The following EZH1 variants were observed in gnomAD, a reference collection of about 807,000 sequenced individuals.
EZH1 encodes enhancer of zeste 1 polycomb repressive complex 2 subunit, also known as histone-lysine N-methyltransferase EZH1.
A neutral mutation model predicts 100.5 loss-of-function variants in EZH1; 33 were observed. That is an observed-to-expected ratio of 0.33 (90% CI 0.25 to 0.44). The LOEUF is 0.44. Among genes scored for constraint, EZH1 ranks in the 20% least tolerant of loss-of-function variants. The pLI is 1.00. For synonymous variants in EZH1, 272 were observed against 313.8 expected, an observed-to-expected ratio of 0.87 and a Z score of 1.41; for missense variants, 475 against 928.4, an observed-to-expected ratio of 0.51 and a Z score of 6.35.
intron 6 of EZH1, 103 bp downstream of exon 6, chr17:42,722,692 A>T (rs1287144688): frequency 1.2e-5 from 14 of 1,142,248 alleles, no homozygotes; most frequent in Non-Finnish European, 1.7e-5. Flanking sequence ...TGCAGTGTGT[A>T]CCCCATGGGG....
At position 42,705,992 on chromosome 17, in the gene EZH1, G is replaced by A. The variant is rs1274096386; in HGVS notation, c.1839+15C>T. ...TCCATTTTATGTGGTGTGGGGTCCT[G>A]AGGAAAGGCCTCACCTTCTTAAGTC... is the stretch of plus-strand genomic sequence containing the variant. On this transcript the variant is annotated intron_variant, in intron 16 of 20. Coordinates refer to ENST00000428826, the MANE Select transcript of EZH1 (RefSeq NM_001991.5). The A allele has an allele frequency of 6.2e-7, 1 of 1,601,462 alleles. No individual in the cohort carries two copies. The highest frequency in any genetic ancestry group is 8.5e-7 in the Non-Finnish European group (1 of 1,173,230).
chr17:42,722,126 G>A (rs1369717028), intron 6 of EZH1, among the ~76,000 whole-genome samples: 1 of 147,742 alleles, frequency 6.8e-6, no homozygotes, highest in African/African-American at 2.5e-5. Flanking sequence ...TCCAGCCTGG[G>A]TGACACAGCG....
intron 12 of EZH1, among the ~76,000 whole-genome samples, chr17:42,710,626 T>C (rs972413664): frequency 1.4e-5 from 2 of 141,486 alleles, no homozygotes; most frequent in African/African-American, 5.2e-5. Flanking sequence ...TCTGTTTTTG[T>C]TTGTTTTTTT....
chr17:42,728,753 A>C, intron 3 of EZH1, 72 bp downstream of exon 3: 1 of 1,518,558 alleles, frequency 6.6e-7, no homozygotes. Flanking sequence ...AAAAAAAAAA[A>C]AAATTCCAAC....
chr17:42,721,598 C>A (rs1014641564), intron 6 of EZH1, among the ~76,000 whole-genome samples: 3 of 151,948 alleles, frequency 2.0e-5, no homozygotes. Flanking sequence ...TATGTCCCAA[C>A]TCCTTTTAAA....
rs2053642214 is a variant in EZH1, at chr17:42,718,225, TGCTTTCAAA to T, written c.932-167_932-159del. The T allele has an allele frequency of 2.4e-6, 2 of 842,822 alleles. No homozygotes were observed. Among genetic ancestry groups the T allele is most frequent in the Non-Finnish European group, 3.7e-6 (2 of 542,296 alleles). 52.2% of individuals were successfully genotyped at this position (842,822 alleles called of 1,614,324 possible). A position where few individuals can be genotyped will look rare whatever the true frequency, so the allele number is the denominator to read the frequency against. ...TCAGTCATTTCTGACATCAACACAATGCTTTCAAAGCTAAGAGGTACTGAGGGACAGATA... is the reference window on the plus strand; with the variant it reads ...TCAGTCATTTCTGACATCAACACAATGCTAAGAGGTACTGAGGGACAGATA... On this transcript the variant is annotated intron_variant, in intron 9 of 20. Coordinates refer to ENST00000428826, the MANE Select transcript of EZH1 (RefSeq NM_001991.5). This position sits in a 1 kb window ranked among gnomAD's most constrained non-coding sequence, Gnocchi z 4.2.
intron 1 of EZH1, among the ~76,000 whole-genome samples, chr17:42,744,609 C>T (rs901605865): frequency 6.6e-6 from 1 of 152,208 alleles, no homozygotes; most frequent in East Asian, 1.9e-4. Flanking sequence ...TAGCCCTCCC[C>T]AAGCACAGCT....
intron 15 of EZH1, among the ~76,000 whole-genome samples, 157 bp downstream of exon 15, chr17:42,707,801 A>T (rs571453371): frequency 6.6e-6 from 1 of 152,332 alleles, no homozygotes; most frequent in Non-Finnish European, 1.5e-5. Flanking sequence ...CGACTCTCCC[A>T]GATCTCATGC....
Position 42,720,363 on chromosome 17 carries a change from C to T in EZH1, c.574G>A (p.Glu192Lys), listed in dbSNP as rs2053682254. Reference sequence around the variant, plus strand: ...CCATCTGAGGTGTCATTGTGCCCTTCCTCCTCCTCATCTGAGTACTGATTC... The same window carrying T: ...CCATCTGAGGTGTCATTGTGCCCTTTCTCCTCCTCATCTGAGTACTGATTC... ...ALNQYSDEEE[E>K]GHNDTSDGKQ... The change falls in exon 7 of 21, where the codon GAA becomes AAA. Residue 192 changes from glutamate to lysine, a missense_variant. Physicochemically the swap from Glu to Lys is moderately conservative, Grantham distance 56. Coordinates refer to ENST00000428826, the MANE Select transcript of EZH1 (RefSeq NM_001991.5). The T allele has an allele frequency of 6.2e-7, 1 of 1,614,196 alleles. No individual in the cohort carries two copies. Among genetic ancestry groups the T allele is most frequent in the Admixed American group, 1.7e-5 (1 of 60,026 alleles).
intron 1 of EZH1, 29 bp downstream of exon 1, chr17:42,744,982 G>GC (rs2054255165): frequency 1.1e-5 from 14 of 1,261,084 alleles, no homozygotes; most frequent in Non-Finnish European, 1.4e-5. Flanking sequence ...CGGCCCCACC[G>GC]CCCGGCCCAG....
rs902662461 is a variant in EZH1 at position 42,721,170 on chromosome 17, A to G, written c.488-721T>C. Among the ~76,000 whole-genome samples, 3 of 152,222 alleles carry G rather than the reference A, an allele frequency of 2.0e-5. 1 individual carries two copies. In the South Asian group the frequency reaches 6.2e-4, roughly 32 times the overall value. ...CTAAAATTGTACTTTATGGAGATGT[A>G]CTACAATTTAGGAGGTCTTTGAACA... is the stretch of plus-strand genomic sequence containing the variant. On this transcript the variant is annotated intron_variant, in intron 6 of 20. Transcript: ENST00000428826.
intron 12 of EZH1, 27 bp from the exon 13 acceptor site, chr17:42,709,964 C>A: frequency 1.2e-6 from 2 of 1,610,330 alleles, no homozygotes; most frequent in South Asian, 2.2e-5. Context: ...ACGGGCCTGT[C>A]ACTCCTCGAG....
At position 42,706,151 on chromosome 17, in the gene EZH1, G is replaced by A. The variant is rs778423476; in HGVS notation, c.1695C>T (p.Thr565=). Residue 565 remains threonine, a synonymous_variant, in exon 16 of 21, where the codon ACC becomes ACT. Coordinates refer to ENST00000428826, the MANE Select transcript of EZH1 (RefSeq NM_001991.5). The surrounding 1 kb of genome is among the most constrained non-coding windows in gnomAD (Gnocchi z 4.4). ...AAGGACATTGCTTGGTATTGCACTG[G>A]GTCTTACAGCGACAGCCAGGGAAAC... The part of the protein sequence containing the change: ...QNRFPGCRCK[T]QCNTKQCPCY... 2.5e-5 allele frequency: 40 copies of A among 1,612,714 alleles called. No homozygotes were observed. The highest frequency in any genetic ancestry group is 3.0e-5 in the Non-Finnish European group (35 of 1,179,264).
intron 11 of EZH1, 23 bp downstream of exon 11, chr17:42,713,186 T>C (rs1310173227): frequency 3.7e-6 from 6 of 1,609,058 alleles, no homozygotes; most frequent in Non-Finnish European, 5.1e-6. Flanking sequence ...AAAGAAAAAG[T>C]CTTCATTTTC....
At chr17:42,714,108 G>A (rs1395270326) in intron 10 of EZH1, among the ~76,000 whole-genome samples, 1 of 152,088 alleles carries the variant, frequency 6.6e-6, no homozygotes. Flanking sequence ...AAACTCAGAA[G>A]AATATTGTTT....
chr17:42,720,189 A>G (rs2053679205), intron 7 of EZH1, 84 bp downstream of exon 7: 2 of 1,442,222 alleles, frequency 1.4e-6, no homozygotes, highest in Non-Finnish European at 9.4e-7. Context: ...AACAGCCTTT[A>G]ATAGGCAACA....
At chr17:42,725,801 C>T (rs543146240) in intron 4 of EZH1, among the ~76,000 whole-genome samples, 1 of 152,294 alleles carries the variant, frequency 6.6e-6, no homozygotes, top group South Asian at 2.1e-4. Context: ...AGGGATAGTA[C>T]ATGGAGAAGC....
chr17:42,732,353 C>T (rs904157948), intron 1 of EZH1, among the ~76,000 whole-genome samples: 2 of 152,132 alleles, frequency 1.3e-5, no homozygotes, highest in Admixed American at 1.3e-4. Flanking sequence ...GGAAAAGAGG[C>T]TGGGTGCAGT....
chr17:42,728,792 T>C (rs1228951527), intron 3 of EZH1, 33 bp downstream of exon 3: 1 of 1,603,110 alleles, frequency 6.2e-7, no homozygotes, highest in African/African-American at 1.4e-5. Context: ...TATATTGAAA[T>C]ATATAAACTT....
Sources: allele counts gnomAD v4.1 joint callset (sites outside exome capture counted in the v4.1 genomes callset), GRCh38; gene constraint gnomAD v4.1.1; non-coding constraint Gnocchi (gnomAD v3.1); transcripts MANE v1.5; gene names NCBI Gene and HGNC (gene_info 2026-07-23, HGNC 2026-07-21).